NTM: variants seen among roughly 807,000 people sequenced by gnomAD.
NTM encodes IgLON family member 2.
A neutral mutation model predicts 42.1 loss-of-function variants in NTM; 13 were observed. That is an observed-to-expected ratio of 0.31 (90% CI 0.20 to 0.49). The LOEUF (loss-of-function observed/expected upper bound fraction) is 0.49. NTM is among the 20% of genes least tolerant of loss of function. NTM has a pLI of 0.99. For missense variants in NTM, 373 were observed against 452.8 expected (o/e 0.82, Z 1.60); for synonymous variants, 187 against 179.2 (o/e 1.04, Z -0.35).
At chr11:131,826,462 T>A (rs2042139171) in intron 1 of NTM, among the ~76,000 whole-genome samples, 1 of 151,616 alleles carries the variant, frequency 6.6e-6, no homozygotes, top group Non-Finnish European at 1.5e-5. Flanking sequence ...GAAGCAGATG[T>A]CAGAGTGAGA....
At chr11:131,404,996 T>C (rs1336950358) in intron 1 of NTM, among the ~76,000 whole-genome samples, 1 of 152,186 alleles carries the variant, frequency 6.6e-6, no homozygotes, top group African/African-American at 2.4e-5. Flanking sequence ...CAATTCCGTA[T>C]TCCCCTGCAA....
At chr11:132,126,505 C>T (rs970500906) in intron 2 of NTM, among the ~76,000 whole-genome samples, 2 of 152,132 alleles carry the variant, frequency 1.3e-5, no homozygotes, top group Admixed American at 6.5e-5. Context: ...CCATGGCTGG[C>T]AGTGTGCGGG....
At chr11:132,124,213 C>T (rs1011525560) in intron 2 of NTM, among the ~76,000 whole-genome samples, 2 of 152,112 alleles carry the variant, frequency 1.3e-5, no homozygotes, top group African/African-American at 2.4e-5. Flanking sequence ...CCCGGATCTT[C>T]GATCGGGCCA....
At chr11:131,881,616 C>T (rs1359495941) in intron 1 of NTM, among the ~76,000 whole-genome samples, 1 of 151,894 alleles carries the variant, frequency 6.6e-6, no homozygotes, top group African/African-American at 2.4e-5. Context: ...CAGCATTTTA[C>T]TCCTCCACTA....
chr11:132,019,099 T>C (rs549090449), intron 2 of NTM, among the ~76,000 whole-genome samples: 1 of 152,078 alleles, frequency 6.6e-6, no homozygotes, highest in Non-Finnish European at 1.5e-5. Context: ...CAACAAAAAA[T>C]GTGTCAGTTT....
At chr11:132,178,937 T>A (rs2077176304) in intron 3 of NTM, among the ~76,000 whole-genome samples, 1 of 152,174 alleles carries the variant, frequency 6.6e-6, no homozygotes. Flanking sequence ...AACTTGGGCG[T>A]TTCAGTTATT....
intron 3 of NTM, among the ~76,000 whole-genome samples, chr11:132,179,489 G>A (rs1051160946): frequency 2.0e-5 from 3 of 152,074 alleles, no homozygotes; most frequent in Non-Finnish European, 4.4e-5. Context: ...AGATAAGATA[G>A]GAGAGCTATA....
chr11:131,520,093 A>G (rs1242015363), intron 1 of NTM, among the ~76,000 whole-genome samples: 1 of 152,224 alleles, frequency 6.6e-6, no homozygotes, highest in Admixed American at 6.5e-5. Context: ...TAGAGTCTTC[A>G]ACTTCTATCG....
chr11:131,703,438 C>A (rs789523), intron 1 of NTM, among the ~76,000 whole-genome samples: 7 of 152,126 alleles, frequency 4.6e-5, no homozygotes, highest in Non-Finnish European at 8.8e-5. Context: ...AGTCTGTGTA[C>A]GCCCAAAGCA....
At chr11:131,953,664 C>T (rs1366807184) in intron 2 of NTM, among the ~76,000 whole-genome samples, 1 of 152,074 alleles carries the variant, frequency 6.6e-6, no homozygotes, top group Non-Finnish European at 1.5e-5. Context: ...GGCTGAGGCT[C>T]AGCACTGGAC....
At chr11:132,245,661 G>A (rs536132861) in intron 4 of NTM, among the ~76,000 whole-genome samples, 2 of 152,216 alleles carry the variant, frequency 1.3e-5, no homozygotes, top group South Asian at 4.1e-4. Flanking sequence ...CGGGGACTCT[G>A]TCCTAAGAAC....
intron 1 of NTM, among the ~76,000 whole-genome samples, chr11:131,810,503 C>G (rs765391402): frequency 6.6e-6 from 1 of 152,166 alleles, no homozygotes; most frequent in African/African-American, 2.4e-5. Context: ...AAGGGAGACT[C>G]GAGCAGCCAG....
intron 1 of NTM, among the ~76,000 whole-genome samples, chr11:131,870,429 T>G (rs914598053): frequency 2.0e-5 from 3 of 152,232 alleles, no homozygotes; most frequent in Non-Finnish European, 2.9e-5. Context: ...AATGATGGTC[T>G]CTTTCCTCTG....
intron 1 of NTM, among the ~76,000 whole-genome samples, chr11:131,609,985 C>A (rs1418442024): frequency 6.6e-6 from 1 of 152,182 alleles, no homozygotes; most frequent in Non-Finnish European, 1.5e-5. Context: ...AAACACATTT[C>A]TTTGTTTGAG....
rs116865742 is a variant in NTM at position 131,889,262 on chromosome 11, A to T, written c.83-22302A>T. Among the ~76,000 whole-genome samples the T allele has an allele frequency of 2.4e-4, 36 of 152,318 alleles. No homozygotes were observed. The East Asian group carries it at 6.6e-3, about 28-fold the overall frequency. On this transcript the variant is annotated intron_variant, in intron 1 of 8. Coordinates refer to ENST00000683400, the MANE Select transcript of NTM (RefSeq NM_001352005.2). ...TGCAAACCAAACAAAGGAGCATAAGATACAGGCCAGGCAGATTCCACTTCA... is the reference window on the plus strand; with the variant it reads ...TGCAAACCAAACAAAGGAGCATAAGTTACAGGCCAGGCAGATTCCACTTCA...
intron 2 of NTM, among the ~76,000 whole-genome samples, chr11:131,996,288 CT>C (rs1025540005): frequency 5.6e-4 from 85 of 152,202 alleles, no homozygotes; most frequent in African/African-American, 2.0e-3. Context: ...TGCTGTTCCC[CT>C]GACCCCCTCC....
chr11:131,407,915 G>T (rs1461490722), intron 1 of NTM, among the ~76,000 whole-genome samples: 1 of 152,216 alleles, frequency 6.6e-6, no homozygotes, highest in African/African-American at 2.4e-5. Flanking sequence ...GTGCTAAATT[G>T]TCAGGATTTT....
intron 1 of NTM, among the ~76,000 whole-genome samples, chr11:131,541,601 T>C (rs1238742890): frequency 2.0e-5 from 3 of 152,290 alleles, no homozygotes; most frequent in Middle Eastern, 6.8e-3. Flanking sequence ...AGCCAGTCAA[T>C]TCACGTGTCC....
intron 2 of NTM, among the ~76,000 whole-genome samples, chr11:131,930,954 A>T (rs1326433308): frequency 6.6e-6 from 1 of 152,158 alleles, no homozygotes; most frequent in African/African-American, 2.4e-5. Context: ...ATGCTCTTTG[A>T]CTGTGTGTGT....
Sources: allele counts gnomAD v4.1 joint callset (sites outside exome capture counted in the v4.1 genomes callset), GRCh38; gene constraint gnomAD v4.1.1; transcripts MANE v1.5; gene names NCBI Gene and HGNC (gene_info 2026-07-23, HGNC 2026-07-21).